Variants in INPP5A observed in about 807,000 individuals in gnomAD.
INPP5A encodes 43 kDa inositol polyphosphate 5-phophatase.
INPP5A carries 14 observed loss-of-function variants against 65.2 expected under a neutral mutation model. The observed-to-expected ratio is 0.21, with a 90% CI of 0.14 to 0.34. INPP5A has a LOEUF of 0.34. Among genes scored for constraint, INPP5A ranks in the 10% least tolerant of loss-of-function variants. The pLI is 1.00. For missense variants in INPP5A, 431 were observed against 545.6 expected (o/e 0.79, Z 2.09); for synonymous variants, 207 against 208.3 (o/e 0.99, Z 0.05).
chr10:132,769,907 A>G (rs2134680895), intron 12 of INPP5A, among the ~76,000 whole-genome samples: 1 of 151,744 alleles, frequency 6.6e-6, no homozygotes, highest in South Asian at 2.1e-4. Context: ...CTTTTTGCGC[A>G]TCCTAGCTAG....
chr10:132,764,707 G>A (rs1193564750), intron 11 of INPP5A, among the ~76,000 whole-genome samples: 2 of 135,546 alleles, frequency 1.5e-5, no homozygotes, highest in African/African-American at 2.8e-5. Context: ...TGCTGTGGTG[G>A]GAGGGTGTGT....
At chr10:132,726,991 C>A in intron 9 of INPP5A, 86 bp downstream of exon 9, 1 of 850,718 alleles carries the variant, frequency 1.2e-6, no homozygotes, top group Non-Finnish European at 1.8e-6. Context: ...CCCTTACTGG[C>A]ACTTTCAATG....
At chr10:132,755,412 G>C (rs1004348410) in intron 11 of INPP5A, among the ~76,000 whole-genome samples, 2 of 151,632 alleles carry the variant, frequency 1.3e-5, no homozygotes, top group Admixed American at 6.6e-5. Context: ...GTGTGTGTGA[G>C]CAGGCATATG....
chr10:132,677,402 G>A (rs2133448549), intron 4 of INPP5A, among the ~76,000 whole-genome samples: 1 of 152,368 alleles, frequency 6.6e-6, no homozygotes, highest in African/African-American at 2.4e-5. Context: ...CACAGAGGAA[G>A]GAGAAAGTGC....
intron 8 of INPP5A, among the ~76,000 whole-genome samples, chr10:132,713,051 T>C (rs182289449): frequency 6.6e-6 from 1 of 151,748 alleles, no homozygotes; most frequent in Non-Finnish European, 1.5e-5. Context: ...TGTGGGTGTG[T>C]GTGCATATGT....
chr10:132,632,537 G>A (rs1427980642), intron 2 of INPP5A, among the ~76,000 whole-genome samples: 2 of 152,142 alleles, frequency 1.3e-5, no homozygotes, highest in African/African-American at 2.4e-5. Context: ...CAGAATTCCC[G>A]CCAGGAAGGG....
chr10:132,746,061 G>A (rs116399250), intron 9 of INPP5A, among the ~76,000 whole-genome samples: 2 of 152,250 alleles, frequency 1.3e-5, no homozygotes, highest in African/African-American at 2.4e-5. Flanking sequence ...TTGCCTGCAC[G>A]TGTGCCCAGA....
At chr10:132,685,524 A>G (rs1655915827) in intron 4 of INPP5A, among the ~76,000 whole-genome samples, 1 of 152,254 alleles carries the variant, frequency 6.6e-6, no homozygotes, top group Non-Finnish European at 1.5e-5. Context: ...GGTGCAGAAG[A>G]CCAGGTTAAT....
intron 5 of INPP5A, among the ~76,000 whole-genome samples, chr10:132,692,846 C>T (rs953130991): frequency 6.6e-6 from 1 of 151,964 alleles, no homozygotes; most frequent in South Asian, 2.1e-4. Context: ...CTCTGGTTTA[C>T]CTAAAGAAAG....
intron 11 of INPP5A, among the ~76,000 whole-genome samples, chr10:132,758,786 G>A (rs915340200): frequency 5.9e-5 from 9 of 152,234 alleles, no homozygotes; most frequent in Non-Finnish European, 8.8e-5. Context: ...CTCATGAGGA[G>A]CACAAGGCTG....
chr10:132,746,006 G>A (rs944259664), intron 9 of INPP5A, among the ~76,000 whole-genome samples: 12 of 152,208 alleles, frequency 7.9e-5, no homozygotes, highest in South Asian at 2.1e-4. Context: ...ACCCTGAGAC[G>A]CCTTGGCAGG....
intron 12 of INPP5A, among the ~76,000 whole-genome samples, chr10:132,776,802 C>T (rs1438094202): frequency 6.6e-6 from 1 of 152,006 alleles, no homozygotes; most frequent in Non-Finnish European, 1.5e-5. Context: ...GCTGTGCTTG[C>T]GTGTTCCAGA....
intron 4 of INPP5A, among the ~76,000 whole-genome samples, chr10:132,665,970 G>A (rs1376466094): frequency 4.0e-5 from 6 of 151,588 alleles, no homozygotes; most frequent in Admixed American, 6.6e-5. Flanking sequence ...CTGGAGGATC[G>A]TGTGAGCCTG....
chr10:132,695,471 A>G (rs1311511544), intron 5 of INPP5A, among the ~76,000 whole-genome samples: 2 of 152,252 alleles, frequency 1.3e-5, no homozygotes, highest in Admixed American at 1.3e-4. Context: ...CTTCTCTTCA[A>G]CATCTTACTG....
At chr10:132,766,573 G>T (rs1846848993) in intron 12 of INPP5A, among the ~76,000 whole-genome samples, 1 of 152,232 alleles carries the variant, frequency 6.6e-6, no homozygotes, top group African/African-American at 2.4e-5. Flanking sequence ...TGCATAAGGT[G>T]TGCTCGCGTA....
intron 1 of INPP5A, among the ~76,000 whole-genome samples, chr10:132,570,639 A>G (rs1389580534): frequency 6.6e-6 from 1 of 151,724 alleles, no homozygotes; most frequent in Non-Finnish European, 1.5e-5. Flanking sequence ...TTTCGTTTTC[A>G]GCTCTTGTGT....
chr10:132,752,218 C>A lies in INPP5A; in HGVS notation c.903+2373C>A, dbSNP rs146329219. On this transcript the variant is annotated intron_variant, in intron 11 of 15. Coordinates refer to ENST00000368594, the MANE Select transcript of INPP5A (RefSeq NM_005539.5). ...CCCTAGCAGAGCTGGCTCCTCAGTG[C>A]CAGGGGAGCAAAGTCTCCGGGGACC... Among the ~76,000 whole-genome samples the A allele has an allele frequency of 8.5e-3, 1,290 of 151,894 alleles. 6 individuals are homozygous for A. Among genetic ancestry groups the A allele is most frequent in the Non-Finnish European group, 0.014 (922 of 67,926 alleles).
rs59001752 is a variant in INPP5A at position 132,660,188 on chromosome 10, C to T, written c.306+9683C>T. Among the ~76,000 whole-genome samples, 614 of 151,932 alleles carry T rather than the reference C, an allele frequency of 4.0e-3. 2 individuals are homozygous for T. Among genetic ancestry groups the T allele is most frequent in the African/African-American group, 0.014 (580 of 41,428 alleles). ...GGAGTGTGTGTGTGATATTGAGTGA[C>T]GGGGAAAGATAGTAGAAAGTAGTTA... On this transcript the variant is annotated intron_variant, in intron 4 of 15. Coordinates refer to ENST00000368594, the MANE Select transcript of INPP5A (RefSeq NM_005539.5).
chr10:132,747,738 T>C (rs1030248808), intron 9 of INPP5A, among the ~76,000 whole-genome samples: 1 of 152,204 alleles, frequency 6.6e-6, no homozygotes, highest in Non-Finnish European at 1.5e-5. Flanking sequence ...AAAAATCATA[T>C]ATTATTTTCT....
Sources: allele counts gnomAD v4.1 joint callset (sites outside exome capture counted in the v4.1 genomes callset), GRCh38; gene constraint gnomAD v4.1.1; transcripts MANE v1.5; gene names NCBI Gene and HGNC (gene_info 2026-07-23, HGNC 2026-07-21).